ZNF577: variants seen among roughly 807,000 people sequenced by gnomAD.
ZNF577 encodes zinc finger protein 577.
ZNF577 carries 14 observed loss-of-function variants against 13.9 expected under a neutral mutation model. The observed-to-expected ratio is 1.00, with a 90% confidence interval of 0.66 to 1.57. The LOEUF is 1.57. Ranked by LOEUF, ZNF577 falls within the 40% of genes most tolerant of loss-of-function variation. The pLI is 0.00. For missense variants in ZNF577, 555 were observed against 579.2 expected (o/e 0.96, Z 0.43); for synonymous variants, 203 against 202.9 (o/e 1.00, Z 0.00).
chr19:51,859,870 A>G (rs2084478271), intron 5 of ZNF577, among the ~76,000 whole-genome samples: 1 of 152,154 alleles, frequency 6.6e-6, no homozygotes, highest in African/African-American at 2.4e-5. Context: ...CAAGTAAACA[A>G]TGAAGTTTAT....
At chr19:51,881,008 A>G (rs1198789536) in intron 1 of ZNF577, 131 bp from the exon 2 acceptor site, 1 of 152,424 alleles carries the variant, frequency 6.6e-6, no homozygotes, top group Non-Finnish European at 1.5e-5. Context: ...CCTGGAAGCC[A>G]TTACATCATG....
chr19:51,818,191 TCTAAGA>T (rs1411383099), intron 9 of ZNF577, among the ~76,000 whole-genome samples: 3 of 152,234 alleles, frequency 2.0e-5, no homozygotes, highest in African/African-American at 7.2e-5. Context: ...TCTCATGTCT[TCTAAGA>T]CTTAGTATGA....
At chr19:51,885,615 G>A (rs1192344849) in intron 1 of ZNF577, among the ~76,000 whole-genome samples, 1 of 152,120 alleles carries the variant, frequency 6.6e-6, no homozygotes, top group Non-Finnish European at 1.5e-5. Context: ...GGGTTCAAGT[G>A]ATTCTCCTGT....
intron 10 of ZNF577, among the ~76,000 whole-genome samples, chr19:51,810,684 T>A (rs888690371): frequency 1.3e-5 from 2 of 152,188 alleles, no homozygotes; most frequent in African/African-American, 4.8e-5. Flanking sequence ...GACAAGCAAG[T>A]TCGCATCAAG....
rs531523324 is a variant in ZNF577, at chr19:51,813,988, G to A, written c.*600-2314C>T. Among the ~76,000 whole-genome samples the A allele has an allele frequency of 1.1e-4, 16 of 152,306 alleles. 2 individuals carry two copies. The South Asian group carries it at 3.3e-3, about 32-fold the overall frequency. On this transcript the variant is annotated intron_variant and NMD_transcript_variant, in intron 9 of 10. Transcript: ENST00000638827. The stretch of plus-strand genomic sequence containing the variant: ...ACTTTCAAGAAGCCCCTGGAAGAAA[G>A]CCAATAGGATGGTGAAGCAAAGGGC...
intron 9 of ZNF577, among the ~76,000 whole-genome samples, chr19:51,834,573 G>A (rs939836102): frequency 6.6e-6 from 1 of 152,238 alleles, no homozygotes; most frequent in African/African-American, 2.4e-5. Context: ...CAACATATAT[G>A]TAAATAACCC....
Position 51,873,182 on chromosome 19 carries a change from A to T in ZNF577, c.808T>A (p.Tyr270Asn), listed in dbSNP as rs1258921759. ...GCTTTCCCACACACACTGCACCCAT[A>T]GAGTTTCTCTCCAGTATGTGATCGC... is the stretch of plus-strand genomic sequence containing the variant. ...HQRSHTGEKLYGCSVCGKAFS... is the reference protein window; with the variant it reads ...HQRSHTGEKLNGCSVCGKAFS... Residue 270 changes from tyrosine (Y) to asparagine (N), a missense_variant, in exon 6 of 6, where the codon TAT becomes AAT. Coordinates refer to ENST00000638348, the MANE Select transcript of ZNF577 (RefSeq NM_001370449.1). 2 of 1,613,978 alleles carry T rather than the reference A, an allele frequency of 1.2e-6. No homozygotes were observed. Among genetic ancestry groups the T allele is most frequent in the Admixed American group, 3.3e-5 (2 of 60,000 alleles).
chr19:51,880,119 C>G (rs971925636), intron 3 of ZNF577, among the ~76,000 whole-genome samples: 8 of 152,186 alleles, frequency 5.3e-5, no homozygotes, highest in African/African-American at 1.9e-4. Flanking sequence ...CCTCTATTTT[C>G]AAGGCACGCT....
chr19:51,837,983 TC>T (rs1248105935), intron 9 of ZNF577, among the ~76,000 whole-genome samples: 2 of 152,140 alleles, frequency 1.3e-5, no homozygotes, highest in Non-Finnish European at 2.9e-5. Flanking sequence ...TCTTCCCCCA[TC>T]TTCAGATAAA....
At chr19:51,832,200 C>T (rs2084264426) in intron 9 of ZNF577, among the ~76,000 whole-genome samples, 1 of 152,042 alleles carries the variant, frequency 6.6e-6, no homozygotes, top group Non-Finnish European at 1.5e-5. Context: ...AGTGGGTATC[C>T]AGAAAATGAG....
In ZNF577 at chr19:51,887,405, TTA is replaced by T. The variant is rs552440512; in HGVS notation, c.-805_-804del. The T allele has an allele frequency of 8.3e-4, 126 of 152,082 alleles. No homozygotes were observed. Among genetic ancestry groups the T allele is most frequent in the African/African-American group, 3.0e-3 (123 of 41,482 alleles). The allele number at this position is 152,082 out of a possible 1,614,324, so 9.4% of individuals were successfully genotyped here. A position where few individuals can be genotyped will look rare whatever the true frequency, so the allele number is the denominator to read the frequency against. Reference sequence around the variant, plus strand: ...AAACATGAAATACACTAAACCAGAGTTATTTTCTGGAGGAGTATTTAAAATGA... The same window carrying T: ...AAACATGAAATACACTAAACCAGAGTTTTTCTGGAGGAGTATTTAAAATGA... On this transcript the variant is annotated 5_prime_UTR_variant, in exon 1 of 6. The change creates a premature stop within an existing upstream ORF in the 5' untranslated region. Transcript: ENST00000638348.
chr19:51,812,315 G>A (rs2084102965), intron 9 of ZNF577, among the ~76,000 whole-genome samples: 1 of 152,124 alleles, frequency 6.6e-6, no homozygotes, highest in African/African-American at 2.4e-5. Flanking sequence ...TATCCACATT[G>A]CATCTCCACT....
intron 9 of ZNF577, among the ~76,000 whole-genome samples, chr19:51,821,794 CA>C (rs1402332490): frequency 6.6e-6 from 1 of 151,348 alleles, no homozygotes; most frequent in African/African-American, 2.4e-5. Flanking sequence ...AAAAAACCTA[CA>C]AAAACCCCAA....
At chr19:51,838,167 ATAT>A (rs2084298088) in intron 9 of ZNF577, among the ~76,000 whole-genome samples, 2 of 152,236 alleles carry the variant, frequency 1.3e-5, no homozygotes, top group African/African-American at 4.8e-5. Context: ...ACAAATACAA[ATAT>A]TATAATACTA....
chr19:51,831,959 C>T (rs1457667098), intron 9 of ZNF577, among the ~76,000 whole-genome samples: 9 of 152,206 alleles, frequency 5.9e-5, no homozygotes, highest in Non-Finnish European at 1.5e-5. Context: ...ATAACCTCCT[C>T]AGAACATTTT....
Position 51,873,174 on chromosome 19 carries a change from G to A in ZNF577, c.816C>T (p.Cys272=), listed in dbSNP as rs1231540327. The A allele has an allele frequency of 6.2e-7, 1 of 1,614,118 alleles. No individual in the cohort carries two copies. The highest frequency in any genetic ancestry group is 1.1e-5 in the South Asian group (1 of 91,080). The part of the protein sequence containing the change: ...RSHTGEKLYG[C]SVCGKAFSQK... ...GAGAAAAGGCTTTCCCACACACACT[G>A]CACCCATAGAGTTTCTCTCCAGTAT... The change falls in exon 6 of 6, where the codon TGC becomes TGT. Residue 272 remains cysteine, a synonymous_variant. Transcript: ENST00000638348.
chr19:51,827,248 A>G (rs2084236747), intron 9 of ZNF577, among the ~76,000 whole-genome samples: 1 of 152,188 alleles, frequency 6.6e-6, no homozygotes, highest in African/African-American at 2.4e-5. Context: ...ATCTTAGCCT[A>G]CAACCAGGAG....
At position 51,873,691 on chromosome 19, in the gene ZNF577, C is replaced by T; in HGVS notation, c.299G>A (p.Ser100Asn). Reference protein sequence around the residue: ...SQICPGFVIQSRRYAGKDSDA... With the variant: ...SQICPGFVIQNRRYAGKDSDA... Reference sequence around the variant, plus strand: ...AGAATCTTTTCCTGCATATCTTCTACTCTGGATTACAAAACCTAAATGAGA... The same window carrying T: ...AGAATCTTTTCCTGCATATCTTCTATTCTGGATTACAAAACCTAAATGAGA... Residue 100 changes from serine (S) to asparagine (N), a missense_variant, in exon 6 of 6, where the codon AGT (serine) becomes AAT (asparagine). By Grantham distance (46) the Ser-to-Asn change is conservative (BLOSUM62 1). Coordinates refer to ENST00000638348, the MANE Select transcript of ZNF577 (RefSeq NM_001370449.1). The T allele has an allele frequency of 6.2e-7, 1 of 1,607,628 alleles. No homozygotes were observed. Among genetic ancestry groups the T allele is most frequent in the Non-Finnish European group, 8.5e-7 (1 of 1,176,692 alleles).
intron 5 of ZNF577, among the ~76,000 whole-genome samples, chr19:51,858,048 T>TA (rs377384220): frequency 9.6e-4 from 146 of 152,174 alleles, no homozygotes; most frequent in African/African-American, 3.1e-3. Flanking sequence ...TCTCACCAGA[T>TA]ATGCTCCCAC....
Sources: allele counts gnomAD v4.1 joint callset (sites outside exome capture counted in the v4.1 genomes callset), GRCh38; gene constraint gnomAD v4.1.1; transcripts MANE v1.5; gene names NCBI Gene and HGNC (gene_info 2026-07-23, HGNC 2026-07-21).